The following PLXDC2 variants were observed in gnomAD, a reference collection of about 807,000 sequenced individuals.
The protein encoded by PLXDC2 is plexin domain containing 2.
A neutral mutation model predicts 68.9 loss-of-function variants in PLXDC2; 40 were observed. The observed-to-expected ratio is 0.58, with a 90% CI of 0.45 to 0.76. The LOEUF is 0.76. Among genes scored for constraint, PLXDC2 ranks in the 30% least tolerant of loss-of-function variants. PLXDC2 has a pLI of 0.00. For synonymous variants in PLXDC2, 243 were observed against 234.2 expected (o/e 1.04, Z -0.34); for missense variants, 644 against 661.9 (o/e 0.97, Z 0.30).
chr10:19,989,854 A>C (rs1834716882), intron 1 of PLXDC2, among the ~76,000 whole-genome samples: 1 of 151,106 alleles, frequency 6.6e-6, no homozygotes, highest in Non-Finnish European at 1.5e-5. Flanking sequence ...GGTTTAAGCA[A>C]TTCTCCTGCC....
intron 4 of PLXDC2, among the ~76,000 whole-genome samples, chr10:20,094,302 T>C (rs561945979): frequency 1.1e-3 from 168 of 152,330 alleles, no homozygotes; most frequent in African/African-American, 3.9e-3. Flanking sequence ...AATTGCTTTA[T>C]AGTTTTCAGA....
At chr10:20,034,032 C>T (rs113827950) in intron 2 of PLXDC2, among the ~76,000 whole-genome samples, 2,678 of 152,008 alleles carry the variant, frequency 0.018, 76 homozygotes, top group African/African-American at 0.061. Flanking sequence ...TTGTGCAAGA[C>T]GTGAAAAAGT....
At chr10:20,205,788 C>T (rs1034512619) in intron 9 of PLXDC2, among the ~76,000 whole-genome samples, 9 of 151,888 alleles carry the variant, frequency 5.9e-5, no homozygotes, top group Non-Finnish European at 4.4e-5. Flanking sequence ...ATATAACCTC[C>T]CCCACCTCAT....
chr10:20,036,432 G>A (rs1310654430), intron 2 of PLXDC2, among the ~76,000 whole-genome samples: 1 of 152,110 alleles, frequency 6.6e-6, no homozygotes, highest in Admixed American at 6.6e-5. Context: ...CCAGCCTCCA[G>A]AACTGTGAGA....
At chr10:20,203,366 CGGCAGCCTCAG>C (rs1834946761) in intron 9 of PLXDC2, among the ~76,000 whole-genome samples, 1 of 151,046 alleles carries the variant, frequency 6.6e-6, no homozygotes, top group Non-Finnish European at 1.5e-5. Context: ...TAACAGCTCA[CGGCAGCCTCAG>C]CCTCCTACAC....
At chr10:19,961,129 T>G (rs1834148222) in intron 1 of PLXDC2, among the ~76,000 whole-genome samples, 1 of 152,244 alleles carries the variant, frequency 6.6e-6, no homozygotes, top group Admixed American at 6.5e-5. Flanking sequence ...AGTACTTCTG[T>G]GATTTCTTAC....
intron 1 of PLXDC2, among the ~76,000 whole-genome samples, chr10:19,906,503 G>A (rs1359442957): frequency 6.6e-6 from 1 of 152,200 alleles, no homozygotes; most frequent in Non-Finnish European, 1.5e-5. Context: ...CATAGGGACT[G>A]TCCTTAGTTG....
intron 4 of PLXDC2, among the ~76,000 whole-genome samples, chr10:20,097,233 G>C (rs1375331641): frequency 6.6e-6 from 1 of 152,204 alleles, no homozygotes; most frequent in African/African-American, 2.4e-5. Flanking sequence ...CGGAGACACT[G>C]AGTGTGCTTA....
chr10:19,958,134 C>G (rs1037003630), intron 1 of PLXDC2, among the ~76,000 whole-genome samples: 2 of 151,894 alleles, frequency 1.3e-5, no homozygotes, highest in African/African-American at 4.8e-5. Context: ...ATTGTTGTTT[C>G]TATGTATATT....
At chr10:20,189,074 G>A (rs1834724961) in intron 9 of PLXDC2, among the ~76,000 whole-genome samples, 1 of 75,452 alleles carries the variant, frequency 1.3e-5, no homozygotes, top group Non-Finnish European at 4.7e-5. Context: ...CTGAAATATA[G>A]CATAAACAAG....
At chr10:20,272,144 A>G (rs915036280) in intron 13 of PLXDC2, among the ~76,000 whole-genome samples, 1 of 152,146 alleles carries the variant, frequency 6.6e-6, no homozygotes, top group Non-Finnish European at 1.5e-5. Context: ...CTTTTTAAAA[A>G]GATTTGGGAA....
chr10:20,277,756 T>G (rs963165572), intron 13 of PLXDC2, among the ~76,000 whole-genome samples: 1 of 152,214 alleles, frequency 6.6e-6, no homozygotes, highest in Non-Finnish European at 1.5e-5. Flanking sequence ...TTTGTTAGAT[T>G]TGTTTTGCTA....
chr10:20,264,641 T>TA (rs544483513), intron 13 of PLXDC2, among the ~76,000 whole-genome samples: 7 of 151,600 alleles, frequency 4.6e-5, no homozygotes, highest in African/African-American at 1.7e-4. Flanking sequence ...ATTTTGAAAA[T>TA]AAAAAACTAG....
chr10:19,990,098 T>G (rs1284084608), intron 1 of PLXDC2, among the ~76,000 whole-genome samples: 1 of 152,130 alleles, frequency 6.6e-6, no homozygotes, highest in South Asian at 2.1e-4. Context: ...CAGGATTTTT[T>G]TTTTATTTAT....
chr10:20,221,849 A>G (rs1835216274), intron 12 of PLXDC2, among the ~76,000 whole-genome samples: 1 of 152,196 alleles, frequency 6.6e-6, no homozygotes, highest in Non-Finnish European at 1.5e-5. Context: ...AAGCTAATAC[A>G]TTTTTGTAAA....
At chr10:19,980,147 A>G (rs1834528158) in intron 1 of PLXDC2, among the ~76,000 whole-genome samples, 1 of 152,094 alleles carries the variant, frequency 6.6e-6, no homozygotes, top group Admixed American at 6.5e-5. Context: ...TGTCTATTTG[A>G]TGGTGTGACT....
intron 1 of PLXDC2, among the ~76,000 whole-genome samples, chr10:19,830,734 G>A (rs912081651): frequency 1.5e-5 from 2 of 134,634 alleles, no homozygotes; most frequent in African/African-American, 2.9e-5. Flanking sequence ...CTCCGGAAAA[G>A]AGAAGGTTTT....
intron 1 of PLXDC2, among the ~76,000 whole-genome samples, chr10:19,933,581 C>A (rs1452362041): frequency 6.6e-6 from 1 of 151,812 alleles, no homozygotes; most frequent in Non-Finnish European, 1.5e-5. Context: ...TGCAGTGAGC[C>A]GAGATTGAGC....
intron 2 of PLXDC2, among the ~76,000 whole-genome samples, chr10:20,023,947 T>C (rs894645620): frequency 1.3e-5 from 2 of 152,238 alleles, no homozygotes; most frequent in South Asian, 4.1e-4. Context: ...AATTAAGAAC[T>C]CTTATATCAA....
Sources: gnomAD v4.1 joint callset for allele counts (sites outside exome capture counted in the v4.1 genomes callset) on GRCh38, gnomAD v4.1.1 for gene constraint, MANE v1.5 for transcripts, NCBI Gene and HGNC (gene_info 2026-07-23, HGNC 2026-07-21) for gene names.